Variants in KCNMA1 observed in about 807,000 individuals in gnomAD.
The protein encoded by KCNMA1 is Calcium-activated potassium channel subunit alpha-1.
In KCNMA1, 29 loss-of-function variants were observed where a neutral mutation model predicts 140.0. That is an observed-to-expected ratio of 0.21 (90% confidence interval 0.15 to 0.28). KCNMA1 has a LOEUF of 0.28. Ranked by LOEUF, KCNMA1 falls within the 10% of genes least tolerant of loss-of-function variation. KCNMA1 has a pLI of 1.00. For missense variants in KCNMA1, 880 were observed against 1,602.2 expected (o/e 0.55, Z 7.70); for synonymous variants, 612 against 611.9 (o/e 1.00, Z 0.00).
At chr10:76,893,396 C>G (rs1249320949) in intron 25 of KCNMA1, among the ~76,000 whole-genome samples, 3 of 152,070 alleles carry the variant, frequency 2.0e-5, no homozygotes, top group Non-Finnish European at 4.4e-5. Flanking sequence ...GAACTCAGGG[C>G]TTTAAAAACC....
chr10:77,026,999 A>G (rs2093515764), intron 16 of KCNMA1, among the ~76,000 whole-genome samples: 2 of 152,334 alleles, frequency 1.3e-5, no homozygotes, highest in South Asian at 4.1e-4. Context: ...CTATAGAGGA[A>G]TAGACTGTGG....
chr10:77,224,985 C>T (rs2050853150), intron 3 of KCNMA1, among the ~76,000 whole-genome samples: 1 of 152,182 alleles, frequency 6.6e-6, no homozygotes. Context: ...AGGTGGGAAA[C>T]TTTTTCTGTT....
At chr10:77,377,250 C>G (rs1468719333) in intron 2 of KCNMA1, among the ~76,000 whole-genome samples, 1 of 152,288 alleles carries the variant, frequency 6.6e-6, no homozygotes. Context: ...CACTGACCTT[C>G]AGCCCACAGG....
At chr10:77,282,368 C>T (rs1276723453) in intron 2 of KCNMA1, among the ~76,000 whole-genome samples, 1 of 152,136 alleles carries the variant, frequency 6.6e-6, no homozygotes, top group Non-Finnish European at 1.5e-5. Context: ...TTCTGTTTCT[C>T]CTATCTGCAA....
intron 2 of KCNMA1, among the ~76,000 whole-genome samples, chr10:77,277,706 C>T (rs937802977): frequency 1.3e-5 from 2 of 152,230 alleles, no homozygotes; most frequent in Admixed American, 6.5e-5. Flanking sequence ...TTTCTCACCA[C>T]TCCCACTGCC....
chr10:77,187,931 C>T (rs968019408), intron 3 of KCNMA1, among the ~76,000 whole-genome samples: 2 of 152,004 alleles, frequency 1.3e-5, no homozygotes, highest in African/African-American at 4.8e-5. Context: ...ATGGAAACAA[C>T]CCATGGAGAA....
intron 13 of KCNMA1, among the ~76,000 whole-genome samples, chr10:77,078,629 G>A (rs184792114): frequency 6.6e-6 from 1 of 152,314 alleles, no homozygotes; most frequent in East Asian, 1.9e-4. Flanking sequence ...GCACTCACTA[G>A]TTCACCTGGT....
chr10:77,399,067 C>A (rs137994832), intron 2 of KCNMA1, among the ~76,000 whole-genome samples: 6 of 152,160 alleles, frequency 3.9e-5, no homozygotes, highest in African/African-American at 1.4e-4. Flanking sequence ...AAACCTGAGC[C>A]ACTCTGTATT....
At chr10:77,517,917 T>C (rs1463739147) in intron 1 of KCNMA1, among the ~76,000 whole-genome samples, 2 of 152,088 alleles carry the variant, frequency 1.3e-5, no homozygotes, top group Admixed American at 6.6e-5. Flanking sequence ...AAATATAAGA[T>C]GGTGACAAAT....
intron 2 of KCNMA1, among the ~76,000 whole-genome samples, chr10:77,365,346 A>G (rs1391186936): frequency 6.6e-6 from 1 of 152,184 alleles, no homozygotes; most frequent in Non-Finnish European, 1.5e-5. Context: ...AGCAACCTAG[A>G]TACTTTGTCT....
chr10:77,095,831 C>A (rs1245581512), intron 9 of KCNMA1, among the ~76,000 whole-genome samples: 2 of 152,124 alleles, frequency 1.3e-5, no homozygotes, highest in Non-Finnish European at 2.9e-5. Context: ...GTACACAGGA[C>A]AACCTAGGGG....
chr10:76,982,553 T>C lies in KCNMA1; in HGVS notation c.2267-12486A>G, dbSNP rs77992555. Among the ~76,000 whole-genome samples the C allele has an allele frequency of 9.9e-3, 1,505 of 152,166 alleles. 22 individuals are homozygous for C. The highest frequency in any genetic ancestry group is 0.035 in the African/African-American group (1,433 of 41,490). Reference sequence around the variant, plus strand: ...GCAAGGTGGTTGGAAAATACTAAACTGTATAAACTGTAAGAAAGTCAATTT... The same window carrying C: ...GCAAGGTGGTTGGAAAATACTAAACCGTATAAACTGTAAGAAAGTCAATTT... On this transcript the variant is annotated intron_variant, in intron 19 of 27. Coordinates refer to ENST00000286628, the MANE Select transcript of KCNMA1 (RefSeq NM_001161352.2).
chr10:77,076,168 G>A lies in KCNMA1; in HGVS notation c.1594-2916C>T, dbSNP rs1453057052. 7.6e-5 allele frequency among the ~76,000 whole-genome samples: 11 copies of A among 145,688 alleles called. No individual in the cohort carries two copies. In the East Asian group the frequency reaches 2.1e-3, roughly 28 times the overall value. ...AATACAATTGCCCAAGTGTCAGGGTGGACAGTGGAAAAAAAAAGCTCAAAG... is the reference window on the plus strand; with the variant it reads ...AATACAATTGCCCAAGTGTCAGGGTAGACAGTGGAAAAAAAAAGCTCAAAG... On this transcript the variant is annotated intron_variant, in intron 13 of 27. Transcript: ENST00000286628.
At chr10:77,531,055 A>G (rs1279086272) in intron 1 of KCNMA1, among the ~76,000 whole-genome samples, 4 of 152,284 alleles carry the variant, frequency 2.6e-5, no homozygotes, top group Admixed American at 2.6e-4. Flanking sequence ...CTCTTAGGCC[A>G]AACAAAGCTG....
chr10:76,921,304 T>C (rs975983288), intron 23 of KCNMA1, among the ~76,000 whole-genome samples: 1 of 152,120 alleles, frequency 6.6e-6, no homozygotes, highest in Admixed American at 6.6e-5. Flanking sequence ...AAATGATCTA[T>C]AAAGACATGT....
downstream of KCNMA1, chr10:76,884,647 C>T (rs2036049958): frequency 9.3e-6 from 2 of 214,680 alleles, no homozygotes; most frequent in Non-Finnish European, 1.8e-5. Flanking sequence ...GAGAAGTTCC[C>T]CCCAAATTAC....
chr10:76,960,152 A>T (rs2070456433), intron 20 of KCNMA1, among the ~76,000 whole-genome samples: 1 of 152,220 alleles, frequency 6.6e-6, no homozygotes, highest in African/African-American at 2.4e-5. Context: ...CACTTATGTG[A>T]ATGATTAGCA....
At chr10:77,426,000 G>T (rs2096979985) in intron 1 of KCNMA1, among the ~76,000 whole-genome samples, 1 of 152,160 alleles carries the variant, frequency 6.6e-6, no homozygotes. Flanking sequence ...GCCAAAGAGG[G>T]ACTGTGTCGT....
intron 2 of KCNMA1, among the ~76,000 whole-genome samples, chr10:77,371,356 T>G (rs2094699632): frequency 6.6e-6 from 1 of 152,022 alleles, no homozygotes; most frequent in Non-Finnish European, 1.5e-5. Context: ...GTGGCACCTG[T>G]GTGTAGGAAT....
Sources: gnomAD v4.1 joint callset for allele counts (sites outside exome capture counted in the v4.1 genomes callset) on GRCh38, gnomAD v4.1.1 for gene constraint, MANE v1.5 for transcripts, NCBI Gene and HGNC (gene_info 2026-07-23, HGNC 2026-07-21) for gene names.